SP140: variants seen among roughly 807,000 people sequenced by gnomAD.
SP140 encodes the protein nuclear body protein SP140.
In SP140, 81 loss-of-function variants were observed where a neutral mutation model predicts 125.0. The ratio of observed to expected loss-of-function variants is 0.65; its 90% CI spans 0.54 to 0.78. The LOEUF is 0.78. SP140 is among the 30% of genes least tolerant of loss of function. SP140 has a pLI of 0.00. For missense variants in SP140, 858 were observed against 1,037.0 expected, an observed-to-expected ratio of 0.83 and a Z score of 2.37; for synonymous variants, 312 against 354.0, an observed-to-expected ratio of 0.88 and a Z score of 1.33.
Position 230,301,761 on chromosome 2 carries a change from T to C in SP140, c.2058+4299T>C, listed in dbSNP as rs542879788. Among the ~76,000 whole-genome samples, 3 of 152,270 alleles carry C rather than the reference T, an allele frequency of 2.0e-5. No homozygotes were observed. In the South Asian group the frequency reaches 6.2e-4, roughly 32 times the overall value. On this transcript the variant is annotated intron_variant, in intron 22 of 26. Coordinates refer to ENST00000392045, the MANE Select transcript of SP140 (RefSeq NM_007237.5). ...GGTATTCAGGCAACAGCTAGCATGA[T>C]GAATAGAATAGTACCTCACATCTCA...
At chr2:230,259,771 C>CAA (rs759447042) in intron 12 of SP140, among the ~76,000 whole-genome samples, 1 of 85,898 alleles carries the variant, frequency 1.2e-5, no homozygotes, top group Non-Finnish European at 2.6e-5. Flanking sequence ...AGTATTCCAT[C>CAA]ATATATATAT....
intron 1 of SP140, chr2:230,208,154 A>T (rs1298475609): frequency 2.7e-6 from 2 of 751,808 alleles, no homozygotes; most frequent in East Asian, 2.5e-5. Context: ...TCTTCAAACC[A>T]CATTGCTAGA....
chr2:230,202,666 T>G (rs755966539), upstream of SP140: 1 of 1,614,134 alleles, frequency 6.2e-7, no homozygotes, highest in East Asian at 2.2e-5. Flanking sequence ...TCATCTTTCT[T>G]TTGAGGAACC....
chr2:230,247,348 A>G (rs1271930164), intron 7 of SP140, among the ~76,000 whole-genome samples: 1 of 151,944 alleles, frequency 6.6e-6, no homozygotes, highest in Non-Finnish European at 1.5e-5. Context: ...AAACACTATT[A>G]CTCCATTCTT....
In SP140 at chr2:230,248,939, G is replaced by A. The variant is rs1051410; in HGVS notation, c.947G>A (p.Gly316Glu). 4 of 1,612,122 alleles carry A rather than the reference G, an allele frequency of 2.5e-6. No individual in the cohort carries two copies. The highest frequency in any genetic ancestry group is 2.2e-5 in the East Asian group (1 of 44,874). The change falls in exon 9 of 27, where the codon GGG (glycine) becomes GAG (glutamate). Residue 316 changes from glycine to glutamate, a missense_variant. Gly to Glu is a moderately conservative substitution (Grantham distance 98). Transcript: ENST00000392045. ...ACTAATGAAGGAGAACCAGAGAAGG[G>A]GCTCTGTCTACTACCAGGTGAAGGA... ...QVTNEGEPEKGLCLLPGEGEE... is the reference protein window; with the variant it reads ...QVTNEGEPEKELCLLPGEGEE...
intron 22 of SP140, among the ~76,000 whole-genome samples, chr2:230,304,349 A>C (rs1406816650): frequency 6.6e-6 from 1 of 152,324 alleles, no homozygotes; most frequent in African/African-American, 2.4e-5. Context: ...TGGAAAGTCA[A>C]TGCAATTCCC....
intron 1 of SP140, among the ~76,000 whole-genome samples, chr2:230,231,646 C>T (rs773789941): frequency 3.3e-5 from 5 of 152,086 alleles, no homozygotes; most frequent in African/African-American, 7.2e-5. Context: ...GATTACATCT[C>T]GATCTTTTAA....
rs923963679 is a variant in SP140 at position 230,211,084 on chromosome 2, C to G, written c.-322-2570C>G. Among the ~76,000 whole-genome samples the G allele has an allele frequency of 6.6e-6, 1 of 152,172 alleles. No homozygotes were observed. The highest frequency in any genetic ancestry group is 2.4e-5 in the African/African-American group (1 of 41,440). On this transcript the variant is annotated intron_variant, in intron 1 of 4. Transcript: ENST00000456542. This position sits in a 1 kb window ranked among gnomAD's most constrained non-coding sequence, Gnocchi z 4.2. The stretch of plus-strand genomic sequence containing the variant: ...CAGAAGAGTGGCTCTGTCAAACAGT[C>G]CAGCCTGACTCAGTTCCCTTGCTTT...
chr2:230,250,863 C>A, intron 9 of SP140, 118 bp from the exon 10 acceptor site: 1 of 1,090,826 alleles, frequency 9.2e-7, no homozygotes, highest in Non-Finnish European at 1.3e-6. Context: ...CAGAACCCAC[C>A]TACAGGCCAG....
At chr2:230,240,759 T>A (rs2048611841) in intron 3 of SP140, among the ~76,000 whole-genome samples, 1 of 152,222 alleles carries the variant, frequency 6.6e-6, no homozygotes, top group South Asian at 2.1e-4. Context: ...GGCAATTTCC[T>A]ATAAAGTTAA....
In SP140 at chr2:230,286,567, G is replaced by C. The variant is rs114764394; in HGVS notation, c.1645+735G>C. Among the ~76,000 whole-genome samples, 303 of 152,304 alleles carry C rather than the reference G, an allele frequency of 2.0e-3. 1 individual carries two copies. The highest frequency in any genetic ancestry group is 7.1e-3 in the African/African-American group (294 of 41,570). On this transcript the variant is annotated intron_variant, in intron 17 of 26. Transcript: ENST00000392045. ...CAATCACTAGCTCTTTCTTCCATGAGATGCTTTCATCAAGTCCACTGCAAG... is the reference window on the plus strand; with the variant it reads ...CAATCACTAGCTCTTTCTTCCATGACATGCTTTCATCAAGTCCACTGCAAG...
intron 1 of SP140, 120 bp from the exon 2 acceptor site, chr2:230,236,963 A>C: frequency 1.5e-6 from 1 of 673,378 alleles, no homozygotes; most frequent in South Asian, 2.5e-5. Flanking sequence ...TCCCTACAAG[A>C]ATGCTTATTT....
intron 15 of SP140, among the ~76,000 whole-genome samples, chr2:230,272,732 G>A (rs759200022): frequency 6.6e-6 from 1 of 152,122 alleles, no homozygotes; most frequent in Non-Finnish European, 1.5e-5. Flanking sequence ...GATGGTACTG[G>A]TACAAGAACA....
intron 12 of SP140, among the ~76,000 whole-genome samples, chr2:230,264,759 C>G (rs2052792805): frequency 6.6e-6 from 1 of 152,174 alleles, no homozygotes; most frequent in Non-Finnish European, 1.5e-5. Context: ...GGTCTAGTGA[C>G]CCAGTGAGTC....
intron 9 of SP140, among the ~76,000 whole-genome samples, chr2:230,249,722 T>G (rs2050064160): frequency 6.6e-6 from 1 of 151,774 alleles, no homozygotes; most frequent in Non-Finnish European, 1.5e-5. Context: ...CAGATCAAAA[T>G]AATTAAAGAA....
chr2:230,232,222 G>A (rs1268527565), intron 1 of SP140, among the ~76,000 whole-genome samples: 1 of 152,184 alleles, frequency 6.6e-6, no homozygotes, highest in East Asian at 1.9e-4. Flanking sequence ...TCCATAAAAG[G>A]TTGGGGGCCT....
At position 230,292,797 on chromosome 2, in the gene SP140, A is replaced by G. The variant is rs6710297; in HGVS notation, c.1968+9A>G. The G allele has an allele frequency of 0.24, 392,667 of 1,613,552 alleles. 51,604 individuals carry two copies. Among genetic ancestry groups the G allele is most frequent in the Middle Eastern group, 0.28 (1,630 of 5,832 alleles). ...TACGATGGCTGATGGAGGTATTCCA[A>G]TGACAAGGGGCCAGGCCTGTGTTCC... On this transcript the variant is annotated intron_variant, in intron 20 of 26. Coordinates refer to ENST00000392045, the MANE Select transcript of SP140 (RefSeq NM_007237.5).
intron 18 of SP140, among the ~76,000 whole-genome samples, chr2:230,289,618 G>A (rs1483239933): frequency 6.6e-6 from 1 of 152,188 alleles, no homozygotes; most frequent in Non-Finnish European, 1.5e-5. Flanking sequence ...GGGATTACAG[G>A]TGGGCACCAC....
At chr2:230,241,360 T>G (rs778164439) in intron 3 of SP140, 44 bp from the exon 4 acceptor site, 1 of 1,221,682 alleles carries the variant, frequency 8.2e-7, no homozygotes, top group Non-Finnish European at 1.2e-6. Context: ...GTCTCTCCTC[T>G]GGTCACTGTC....
Sources: allele counts gnomAD v4.1 joint callset (sites outside exome capture counted in the v4.1 genomes callset), GRCh38; gene constraint gnomAD v4.1.1; non-coding constraint Gnocchi (gnomAD v3.1); transcripts MANE v1.5; gene names NCBI Gene and HGNC (gene_info 2026-07-23, HGNC 2026-07-21).